The following MLLT3 variants were observed in gnomAD, a reference collection of about 807,000 sequenced individuals.
The protein encoded by MLLT3 is protein AF-9.
A neutral mutation model predicts 53.2 loss-of-function variants in MLLT3; 4 were observed. The ratio of observed to expected loss-of-function variants is 0.08; its 90% confidence interval spans 0.04 to 0.17. The LOEUF (loss-of-function observed/expected upper bound fraction) is 0.17, where lower values mean the gene tolerates loss of function less well. MLLT3 is among the 10% of genes least tolerant of loss of function. The pLI is 1.00. For missense variants in MLLT3, 569 were observed against 684.0 expected (o/e 0.83, Z 1.87); for synonymous variants, 283 against 230.6 (o/e 1.23, Z -2.06).
chr9:20,422,148 C>G (rs373500542), intron 4 of MLLT3, among the ~76,000 whole-genome samples: 80 of 151,894 alleles, frequency 5.3e-4, no homozygotes, highest in South Asian at 1.7e-3. Context: ...CTTGAGAAGC[C>G]CAAGAGTCTT....
chr9:20,441,373 A>T (rs1409484849), intron 4 of MLLT3, among the ~76,000 whole-genome samples: 1 of 152,180 alleles, frequency 6.6e-6, no homozygotes, highest in African/African-American at 2.4e-5. Context: ...TGTCATGACC[A>T]TGCTTTCCCT....
chr9:20,465,379 C>G (rs188831220), intron 2 of MLLT3, among the ~76,000 whole-genome samples: 3 of 152,052 alleles, frequency 2.0e-5, no homozygotes, highest in African/African-American at 7.2e-5. Context: ...ATGAGAGTTA[C>G]TTTTAAATAC....
chr9:20,358,896 C>T (rs1278436698), intron 8 of MLLT3, among the ~76,000 whole-genome samples: 1 of 152,044 alleles, frequency 6.6e-6, no homozygotes, highest in African/African-American at 2.4e-5. Context: ...GTGGCTCATG[C>T]CTGTAATCCC....
chr9:20,564,631 AAAC>A (rs1274409117), intron 2 of MLLT3, among the ~76,000 whole-genome samples: 1 of 152,214 alleles, frequency 6.6e-6, no homozygotes, highest in Non-Finnish European at 1.5e-5. Flanking sequence ...ATTCTGATTT[AAAC>A]AACAACCAAC....
chr9:20,514,225 A>G (rs1026994556), intron 2 of MLLT3, among the ~76,000 whole-genome samples: 1 of 152,186 alleles, frequency 6.6e-6, no homozygotes, highest in Non-Finnish European at 1.5e-5. Context: ...CTAAGGAAAC[A>G]GTGGGTTCAG....
intron 2 of MLLT3, among the ~76,000 whole-genome samples, chr9:20,551,565 T>G (rs2119028085): frequency 6.6e-6 from 1 of 152,298 alleles, no homozygotes; most frequent in South Asian, 2.1e-4. Flanking sequence ...CCTGTGACAC[T>G]TTTAATTCAA....
intron 8 of MLLT3, among the ~76,000 whole-genome samples, chr9:20,356,560 G>T (rs933408816): frequency 6.6e-6 from 1 of 150,946 alleles, no homozygotes; most frequent in Non-Finnish European, 1.5e-5. Context: ...TTTCAGGCAA[G>T]AAAAAAAGAA....
rs1820998044 is a variant in MLLT3, at chr9:20,621,239, G to A, written c.13-405C>T. 6.6e-6 allele frequency among the ~76,000 whole-genome samples: 1 copy of A among 152,224 alleles called. No individual in the cohort carries two copies. Among genetic ancestry groups the A allele is most frequent in the Non-Finnish European group, 1.5e-5 (1 of 68,042 alleles). On this transcript the variant is annotated intron_variant, in intron 1 of 10. Coordinates refer to ENST00000380338, the MANE Select transcript of MLLT3 (RefSeq NM_004529.4). This position sits in a 1 kb window ranked among gnomAD's most constrained non-coding sequence, Gnocchi z 7.0. ...GAGGTGGCTGGGACCCAGGGGGACCGAAGGGCTCCTGGCGAGCCCCCTCCC... is the reference window on the plus strand; with the variant it reads ...GAGGTGGCTGGGACCCAGGGGGACCAAAGGGCTCCTGGCGAGCCCCCTCCC...
intron 2 of MLLT3, among the ~76,000 whole-genome samples, chr9:20,551,427 A>G (rs1276736178): frequency 6.6e-6 from 1 of 152,144 alleles, no homozygotes; most frequent in Non-Finnish European, 1.5e-5. Context: ...CTTTTGGTAA[A>G]TTATTACATG....
At position 20,434,597 on chromosome 9, in the gene MLLT3, T is replaced by C. The variant is rs114758844; in HGVS notation, c.420+13526A>G. 5.7e-3 allele frequency among the ~76,000 whole-genome samples: 863 copies of C among 152,296 alleles called. 8 individuals carry two copies. Among genetic ancestry groups the C allele is most frequent in the African/African-American group, 0.019 (787 of 41,568 alleles). On this transcript the variant is annotated intron_variant, in intron 4 of 10. Coordinates refer to ENST00000380338, the MANE Select transcript of MLLT3 (RefSeq NM_004529.4). ...TACTGTGCAGACCTAAATTGCACCA[T>C]ATTATCCTAAGAGGAATCGAAATGC...
chr9:20,396,227 C>A (rs1822318959), intron 5 of MLLT3, among the ~76,000 whole-genome samples: 3 of 151,614 alleles, frequency 2.0e-5, no homozygotes, highest in African/African-American at 7.3e-5. Flanking sequence ...TTTGGGAACT[C>A]TTTTACACAT....
chr9:20,587,845 C>A (rs144416805), intron 2 of MLLT3, among the ~76,000 whole-genome samples: 4,871 of 150,582 alleles, frequency 0.032, 207 homozygotes, highest in East Asian at 0.13. Flanking sequence ...CTTTAGTTTA[C>A]TTAGATCCCA....
intron 2 of MLLT3, among the ~76,000 whole-genome samples, chr9:20,542,243 T>A (rs1818655984): frequency 6.8e-6 from 1 of 147,102 alleles, no homozygotes; most frequent in South Asian, 2.2e-4. Context: ...GTAATATTTT[T>A]TTTTTTTTTT....
intron 3 of MLLT3, among the ~76,000 whole-genome samples, chr9:20,455,741 T>C (rs576332954): frequency 6.6e-6 from 1 of 152,228 alleles, no homozygotes; most frequent in South Asian, 2.1e-4. Flanking sequence ...TTGAAGTGCT[T>C]ATCTATAAGT....
At chr9:20,546,556 A>T (rs1039625991) in intron 2 of MLLT3, among the ~76,000 whole-genome samples, 4 of 152,160 alleles carry the variant, frequency 2.6e-5, no homozygotes, top group African/African-American at 9.7e-5. Flanking sequence ...AAAAAAAAAA[A>T]AAAAAATCTA....
At chr9:20,354,003 T>C (rs1821101575) in intron 9 of MLLT3, among the ~76,000 whole-genome samples, 1 of 152,186 alleles carries the variant, frequency 6.6e-6, no homozygotes, top group South Asian at 2.1e-4. Context: ...AGAAAAAAAT[T>C]CTAAGTTTGA....
At chr9:20,351,411 G>A (rs550200903) in intron 10 of MLLT3, among the ~76,000 whole-genome samples, 1 of 152,178 alleles carries the variant, frequency 6.6e-6, no homozygotes, top group Non-Finnish European at 1.5e-5. Context: ...GGAACATGTG[G>A]TTTAAAGAGC....
At chr9:20,544,111 T>A (rs1161253657) in intron 2 of MLLT3, among the ~76,000 whole-genome samples, 1 of 152,208 alleles carries the variant, frequency 6.6e-6, no homozygotes, top group African/African-American at 2.4e-5. Context: ...GGGGAAAGGA[T>A]AGTCTCTCCA....
chr9:20,451,957 C>T (rs893247767), intron 3 of MLLT3, among the ~76,000 whole-genome samples: 4 of 152,108 alleles, frequency 2.6e-5, no homozygotes, highest in African/African-American at 9.7e-5. Flanking sequence ...CATATACAAA[C>T]TCAAGAGAAG....
Sources: allele counts gnomAD v4.1 joint callset (sites outside exome capture counted in the v4.1 genomes callset), GRCh38; gene constraint gnomAD v4.1.1; non-coding constraint Gnocchi (gnomAD v3.1); transcripts MANE v1.5; gene names NCBI Gene and HGNC (gene_info 2026-07-23, HGNC 2026-07-21).